CDH18: variants seen among roughly 807,000 people sequenced by gnomAD.
CDH18 encodes cadherin 18.
In CDH18, 31 loss-of-function variants were observed where a neutral mutation model predicts 67.9. The ratio of observed to expected loss-of-function variants is 0.46; its 90% confidence interval spans 0.34 to 0.62. The LOEUF (loss-of-function observed/expected upper bound fraction) is 0.62. Among genes scored for constraint, CDH18 ranks in the 20% least tolerant of loss-of-function variants. The pLI is 0.01. For synonymous variants in CDH18, 362 were observed against 347.2 expected (o/e 1.04, Z -0.48); for missense variants, 890 against 975.5 (o/e 0.91, Z 1.17).
At chr5:20,295,279 G>A (rs1747398368) in intron 1 of CDH18, among the ~76,000 whole-genome samples, 1 of 152,144 alleles carries the variant, frequency 6.6e-6, no homozygotes. Context: ...ATCTCTGGGA[G>A]CCAGCTATAA....
At chr5:20,549,881 AG>A (rs1170817431) in intron 1 of CDH18, among the ~76,000 whole-genome samples, 2 of 152,184 alleles carry the variant, frequency 1.3e-5, no homozygotes, top group East Asian at 1.9e-4. Flanking sequence ...TTCTTTTCAA[AG>A]AAAAGTAGTT....
At chr5:20,330,736 G>C (rs1739091717) in intron 1 of CDH18, among the ~76,000 whole-genome samples, 1 of 152,152 alleles carries the variant, frequency 6.6e-6, no homozygotes, top group Non-Finnish European at 1.5e-5. Flanking sequence ...GGCGAGAAGG[G>C]ATGCAAGACC....
chr5:20,200,495 G>A (rs1580462926), intron 2 of CDH18, among the ~76,000 whole-genome samples: 1 of 152,068 alleles, frequency 6.6e-6, no homozygotes, highest in East Asian at 1.9e-4. Context: ...GAAACATAGT[G>A]AAAACTTATC....
intron 1 of CDH18, among the ~76,000 whole-genome samples, chr5:20,497,068 A>T (rs1753953971): frequency 6.6e-6 from 1 of 152,052 alleles, no homozygotes; most frequent in Non-Finnish European, 1.5e-5. Flanking sequence ...AATTTGAAGG[A>T]AAAGCAAATG....
upstream of CDH18, among the ~76,000 whole-genome samples, chr5:19,989,190 G>A (rs752870193): frequency 6.6e-6 from 1 of 152,112 alleles, no homozygotes; most frequent in Non-Finnish European, 1.5e-5. Context: ...AACAAGTGTA[G>A]GAGTTTATCT....
intron 1 of CDH18, among the ~76,000 whole-genome samples, chr5:20,335,489 C>G (rs998638202): frequency 4.6e-5 from 7 of 152,088 alleles, no homozygotes; most frequent in Non-Finnish European, 1.0e-4. Flanking sequence ...GTGATCCTCC[C>G]ACCTTGCCCT....
chr5:19,849,787 C>G lies in CDH18; in HGVS notation c.-256-10545G>C, dbSNP rs558526405. ...ATATAAACATATATATATATATGAACATATATATACACGCATACACACACA... is the reference window on the plus strand; with the variant it reads ...ATATAAACATATATATATATATGAAGATATATATACACGCATACACACACA... On this transcript the variant is annotated intron_variant, in intron 2 of 12. Coordinates refer to ENST00000382275, the MANE Select transcript of CDH18 (RefSeq NM_004934.5). 4.8e-4 allele frequency among the ~76,000 whole-genome samples: 70 copies of G among 145,734 alleles called. 3 individuals carry two copies. The highest frequency in any genetic ancestry group is 1.7e-3 in the African/African-American group (67 of 39,464).
intron 1 of CDH18, among the ~76,000 whole-genome samples, chr5:20,351,799 CT>C (rs1741207129): frequency 1.3e-5 from 2 of 152,022 alleles, no homozygotes. Context: ...CAAATTTTGC[CT>C]GTTGGTGGGG....
intron 1 of CDH18, among the ~76,000 whole-genome samples, chr5:19,981,794 A>G (rs1472041175): frequency 6.6e-6 from 1 of 152,158 alleles, no homozygotes; most frequent in Non-Finnish European, 1.5e-5. Flanking sequence ...TCTCCCTGGA[A>G]TATGGTTCCT....
At chr5:20,223,416 C>T (rs1306366598) in intron 2 of CDH18, among the ~76,000 whole-genome samples, 1 of 152,096 alleles carries the variant, frequency 6.6e-6, no homozygotes, top group Non-Finnish European at 1.5e-5. Context: ...TTTAGGGGCT[C>T]ATTGTGGAAG....
intron 3 of CDH18, among the ~76,000 whole-genome samples, chr5:19,780,129 C>T (rs114936372): frequency 1.3e-5 from 2 of 152,072 alleles, no homozygotes; most frequent in Non-Finnish European, 2.9e-5. Context: ...ATAGTGAGCT[C>T]CATCCACAGA....
chr5:19,556,728 C>A (rs918096478), intron 8 of CDH18, among the ~76,000 whole-genome samples: 5 of 151,956 alleles, frequency 3.3e-5, no homozygotes, highest in Non-Finnish European at 7.4e-5. Flanking sequence ...GAAAACTTCC[C>A]CAGCTTTCTT....
intron 1 of CDH18, among the ~76,000 whole-genome samples, chr5:20,267,890 T>C (rs10473373): frequency 0.53 from 80,057 of 152,042 alleles, 22,014 homozygotes; most frequent in East Asian, 0.69. Flanking sequence ...TATGATTGGT[T>C]GCATCACCCA....
At chr5:19,482,037 A>G (rs1421462407) in intron 12 of CDH18, among the ~76,000 whole-genome samples, 2 of 152,154 alleles carry the variant, frequency 1.3e-5, no homozygotes, top group African/African-American at 4.8e-5. Flanking sequence ...GATTATTACA[A>G]CAGATAATGT....
chr5:20,557,582 TA>T (rs534268266), intron 1 of CDH18, among the ~76,000 whole-genome samples: 1 of 152,130 alleles, frequency 6.6e-6, no homozygotes, highest in South Asian at 2.1e-4. Context: ...CTGATAAAAC[TA>T]AATATGGATC....
intron 5 of CDH18, among the ~76,000 whole-genome samples, chr5:19,649,742 C>G (rs1417011865): frequency 2.0e-5 from 3 of 151,936 alleles, no homozygotes; most frequent in Non-Finnish European, 4.4e-5. Flanking sequence ...TATTTTATTA[C>G]ATTATATATT....
intron 3 of CDH18, among the ~76,000 whole-genome samples, chr5:19,765,496 C>T (rs1772961197): frequency 1.3e-5 from 2 of 151,836 alleles, no homozygotes; most frequent in South Asian, 2.1e-4. Flanking sequence ...GTGAATTAAA[C>T]CATATTATTT....
At chr5:19,893,584 T>TTC (rs1010164701) in intron 2 of CDH18, among the ~76,000 whole-genome samples, 4 of 151,826 alleles carry the variant, frequency 2.6e-5, no homozygotes, top group African/African-American at 7.3e-5. Flanking sequence ...TTCTCTCTCT[T>TTC]TCTCTCTCTC....
rs4461637 is a variant in CDH18, at chr5:20,242,636, A to G, written c.-518+12808T>C. 2.1e-4 allele frequency among the ~76,000 whole-genome samples: 12 copies of G among 58,384 alleles called. No individual in the cohort carries two copies. The East Asian group carries it at 6.1e-3, about 30-fold the overall frequency. 38.3% of individuals were successfully genotyped at this position (58,384 alleles called of 152,430 possible). On this transcript the variant is annotated intron_variant, in intron 2 of 14. Transcript: ENST00000507958. ...AATATATATATATATATATATATGT[A>G]TATATATATATATATGTAAATGGAC...
Sources: allele counts gnomAD v4.1 joint callset (sites outside exome capture counted in the v4.1 genomes callset), GRCh38; gene constraint gnomAD v4.1.1; transcripts MANE v1.5; gene names NCBI Gene and HGNC (gene_info 2026-07-23, HGNC 2026-07-21).